TMEM117: variants seen among roughly 807,000 people sequenced by gnomAD.
TMEM117 encodes the protein transmembrane protein 117.
TMEM117 carries 27 observed loss-of-function variants against 52.4 expected under a neutral mutation model. The ratio of observed to expected loss-of-function variants is 0.51; its 90% CI spans 0.38 to 0.71. The LOEUF (loss-of-function observed/expected upper bound fraction) is 0.71. Among genes scored for constraint, TMEM117 ranks in the 30% least tolerant of loss-of-function variants. TMEM117 has a pLI of 0.00. For missense variants in TMEM117, 556 were observed against 630.5 expected (o/e 0.88, Z 1.26); for synonymous variants, 215 against 206.3 (o/e 1.04, Z -0.36).
In TMEM117 at chr12:44,388,576, A is replaced by G. The variant is rs766679108; in HGVS notation, c.1449A>G (p.Leu483=). The change falls in exon 8 of 8, where the codon CTA becomes CTG. Residue 483 remains leucine, a synonymous_variant. Coordinates refer to ENST00000266534, the MANE Select transcript of TMEM117 (RefSeq NM_032256.3). ...FNEIVYKSSH[L]TSENLSSQLN... ...AGATCGTCTACAAGTCTTCCCACCTAACCTCGGAAAACTTGAGCTCACAGT... is the reference window on the plus strand; with the variant it reads ...AGATCGTCTACAAGTCTTCCCACCTGACCTCGGAAAACTTGAGCTCACAGT... 2.5e-6 allele frequency: 4 copies of G among 1,613,462 alleles called. No individual in the cohort carries two copies. The South Asian group carries it at 3.3e-5, about 13-fold the overall frequency.
chr12:44,151,932 ATAT>A (rs991873640), intron 4 of TMEM117, among the ~76,000 whole-genome samples: 5 of 126,360 alleles, frequency 4.0e-5, no homozygotes, highest in Non-Finnish European at 7.9e-5. Flanking sequence ...TAAACATTAT[ATAT>A]TATATTATAT....
At chr12:44,347,443 A>G (rs896340277) in intron 6 of TMEM117, among the ~76,000 whole-genome samples, 9 of 152,084 alleles carry the variant, frequency 5.9e-5, no homozygotes, top group African/African-American at 2.2e-4. Flanking sequence ...AATGATTCCT[A>G]TCTTTCAACA....
intron 4 of TMEM117, among the ~76,000 whole-genome samples, chr12:44,186,716 T>A (rs1357524684): frequency 6.6e-6 from 1 of 152,164 alleles, no homozygotes; most frequent in East Asian, 1.9e-4. Context: ...AGGACTACCT[T>A]AGCACTCTTC....
chr12:44,398,873 AT>A, the TMEM117 span, among the ~76,000 whole-genome samples: 12 of 152,222 alleles, frequency 7.9e-5, no homozygotes, highest in African/African-American at 2.9e-4. Flanking sequence ...TTAAGTCATT[AT>A]TTGTGTCATT....
intron 3 of TMEM117, among the ~76,000 whole-genome samples, chr12:44,031,968 G>T (rs889075362): frequency 1.3e-5 from 2 of 152,152 alleles, no homozygotes; most frequent in African/African-American, 4.8e-5. Context: ...TGTCTCCACA[G>T]TTCCTGTACA....
chr12:44,359,019 C>T (rs1021930930), intron 6 of TMEM117, among the ~76,000 whole-genome samples: 24 of 152,146 alleles, frequency 1.6e-4, no homozygotes, highest in African/African-American at 5.8e-4. Context: ...TTAAATCTCA[C>T]AGCACTCTGG....
chr12:44,087,525 G>A (rs141993589), intron 3 of TMEM117, among the ~76,000 whole-genome samples: 231 of 152,250 alleles, frequency 1.5e-3, no homozygotes, highest in Non-Finnish European at 2.7e-3. Flanking sequence ...GCAGTGGCAT[G>A]ATCATGGCTT....
chr12:44,293,945 T>G (rs1344137191), intron 5 of TMEM117, among the ~76,000 whole-genome samples: 1 of 152,144 alleles, frequency 6.6e-6, no homozygotes, highest in Non-Finnish European at 1.5e-5. Context: ...TCAGTTCAAT[T>G]TAGCATTAAG....
Position 43,952,279 on chromosome 12 carries a change from CT to C in TMEM117, c.410+7938del, listed in dbSNP as rs2137638194. The stretch of plus-strand genomic sequence containing the variant: ...TCTCCAGCAACAGCACAGAACAGGG[CT>C]GAAGCTGAGATGGATGAACTGACAG... On this transcript the variant is annotated intron_variant, in intron 3 of 7. Transcript: ENST00000266534. Among the ~76,000 whole-genome samples the C allele has an allele frequency of 2.0e-5, 3 of 152,194 alleles. No individual in the cohort carries two copies. In the South Asian group the frequency reaches 6.2e-4, roughly 32 times the overall value.
intron 6 of TMEM117, among the ~76,000 whole-genome samples, chr12:44,340,292 T>G (rs1951399890): frequency 6.6e-6 from 1 of 152,082 alleles, no homozygotes; most frequent in South Asian, 2.1e-4. Flanking sequence ...AGAAAGTTGA[T>G]TAATATAAAT....
At position 44,388,117 on chromosome 12, in the gene TMEM117, T is replaced by C; in HGVS notation, c.990T>C (p.Tyr330=). 6.2e-7 allele frequency: 1 copy of C among 1,613,114 alleles called. No individual in the cohort carries two copies. Among genetic ancestry groups the C allele is most frequent in the Non-Finnish European group, 8.5e-7 (1 of 1,179,500 alleles). The part of the protein sequence containing the change: ...KNQIFYKPHE[Y]GQYIGPGQKI... ...AAATATTTTATAAACCTCATGAATA[T>C]GGGCAATATATCGGCCCGGGGCAGA... Residue 330 remains tyrosine (Y), a synonymous_variant, in exon 8 of 8, where the codon TAT becomes TAC. Transcript: ENST00000266534.
At chr12:43,806,005 G>T in the TMEM117 span, 1 of 1,527,260 alleles carries the variant, frequency 6.5e-7, no homozygotes, top group Non-Finnish European at 8.8e-7. Context: ...GGATCAATCT[G>T]CAACGTGACG....
Position 44,388,025 on chromosome 12 carries a change from G to A in TMEM117, c.899-1G>A. The A allele has an allele frequency of 1.3e-6, 2 of 1,599,772 alleles. No individual in the cohort carries two copies. The highest frequency in any genetic ancestry group is 1.7e-6 in the Non-Finnish European group (2 of 1,173,584). On this transcript the variant is annotated splice_acceptor_variant, in intron 7 of 7. Coordinates refer to ENST00000266534, the MANE Select transcript of TMEM117 (RefSeq NM_032256.3). LOFTEE classifies it high-confidence loss of function. Reference sequence around the variant, plus strand: ...AATGCAGTATTTCTTTTTTAATGCAGGCAAATGGTTTAACTATGGAATTAT... The same window carrying A: ...AATGCAGTATTTCTTTTTTAATGCAAGCAAATGGTTTAACTATGGAATTAT...
intron 3 of TMEM117, among the ~76,000 whole-genome samples, chr12:44,079,412 G>T (rs562313102): frequency 1.3e-5 from 2 of 152,126 alleles, no homozygotes; most frequent in South Asian, 2.1e-4. Context: ...ATTCTAACTG[G>T]CATGAGATGG....
chr12:44,072,415 A>G (rs749142814), intron 3 of TMEM117, among the ~76,000 whole-genome samples: 2 of 152,136 alleles, frequency 1.3e-5, no homozygotes, highest in Non-Finnish European at 2.9e-5. Context: ...AGTAGAAAAG[A>G]TGGCTTTTGT....
At chr12:43,870,127 A>G (rs367684493) in intron 2 of TMEM117, among the ~76,000 whole-genome samples, 27 of 152,176 alleles carry the variant, frequency 1.8e-4, no homozygotes, top group African/African-American at 6.3e-4. Flanking sequence ...GCATAGTATT[A>G]CATGGTATGT....
intron 4 of TMEM117, among the ~76,000 whole-genome samples, chr12:44,177,129 G>T (rs1034492910): frequency 6.6e-6 from 1 of 151,970 alleles, no homozygotes; most frequent in African/African-American, 2.4e-5. Flanking sequence ...TTCATGTAGG[G>T]GCATTCAATT....
At chr12:43,930,813 T>A (rs185364440) in intron 2 of TMEM117, among the ~76,000 whole-genome samples, 4 of 152,328 alleles carry the variant, frequency 2.6e-5, no homozygotes, top group Admixed American at 6.5e-5. Flanking sequence ...TTAAGATAAA[T>A]AAGCCCTGCA....
chr12:43,854,593 A>G (rs1272307103), intron 2 of TMEM117, among the ~76,000 whole-genome samples: 2 of 152,148 alleles, frequency 1.3e-5, no homozygotes, highest in Non-Finnish European at 2.9e-5. Context: ...TGTGTTACTA[A>G]GCTTAGTCCA....
Sources: allele counts gnomAD v4.1 joint callset (sites outside exome capture counted in the v4.1 genomes callset), GRCh38; gene constraint gnomAD v4.1.1; transcripts MANE v1.5; gene names NCBI Gene and HGNC (gene_info 2026-07-23, HGNC 2026-07-21).